NPAS2: variants seen among roughly 807,000 people sequenced by gnomAD.
NPAS2 encodes the protein neuronal PAS domain-containing protein 2.
NPAS2 carries 23 observed loss-of-function variants against 107.5 expected under a neutral mutation model. The observed-to-expected ratio is 0.21, with a 90% CI of 0.15 to 0.30. NPAS2 has a LOEUF of 0.30. Ranked by LOEUF, NPAS2 falls within the 10% of genes least tolerant of loss-of-function variation. The probability of loss-of-function intolerance (pLI) is 1.00; values close to 1 mark genes in which losing one functional copy is unlikely to be tolerated. For missense variants in NPAS2, 756 were observed against 1,043.3 expected (o/e 0.72, Z 3.79); for synonymous variants, 403 against 417.5 (o/e 0.97, Z 0.42).
chr2:100,925,387 TC>T, intron 3 of NPAS2, 93 bp downstream of exon 3: 1 of 1,393,036 alleles, frequency 7.2e-7, no homozygotes, highest in Non-Finnish European at 9.9e-7. Flanking sequence ...TGGTTTTGTC[TC>T]CCCAGCCAGG....
intron 1 of NPAS2, among the ~76,000 whole-genome samples, chr2:100,896,202 T>C (rs971849786): frequency 6.6e-6 from 1 of 152,154 alleles, no homozygotes; most frequent in Non-Finnish European, 1.5e-5. Context: ...GTTAGCTGCA[T>C]TGTGTTAGGA....
chr2:100,860,194 G>C (rs926036512), intron 1 of NPAS2, among the ~76,000 whole-genome samples: 1 of 152,110 alleles, frequency 6.6e-6, no homozygotes, highest in Non-Finnish European at 1.5e-5. Flanking sequence ...TGTTTTTTGT[G>C]ACCTAGATGT....
chr2:100,955,031 C>T (rs758309526), intron 7 of NPAS2, among the ~76,000 whole-genome samples: 7 of 152,026 alleles, frequency 4.6e-5, no homozygotes, highest in Non-Finnish European at 8.8e-5. Context: ...GCATGTGCCG[C>T]GATGCCTGGC....
At chr2:100,988,471 T>C (rs926259766) in intron 17 of NPAS2, 195 bp downstream of exon 17, 1 of 582,748 alleles carries the variant, frequency 1.7e-6, no homozygotes, top group Non-Finnish European at 3.1e-6. Flanking sequence ...CCAAGTTGTA[T>C]TGGCTTCCTT....
intron 1 of NPAS2, among the ~76,000 whole-genome samples, chr2:100,851,590 G>A (rs1046027761): frequency 6.6e-6 from 1 of 152,206 alleles, no homozygotes; most frequent in Non-Finnish European, 1.5e-5. Context: ...TAAACCCTGA[G>A]CACCCACTGG....
At chr2:100,982,191 A>T in intron 15 of NPAS2, 40 bp from the exon 16 acceptor site, 1 of 1,611,490 alleles carries the variant, frequency 6.2e-7, no homozygotes, top group Non-Finnish European at 8.5e-7. Context: ...GGCTGAAATA[A>T]CTCTTTCATC....
intron 1 of NPAS2, among the ~76,000 whole-genome samples, chr2:100,890,918 C>CT (rs559168057): frequency 4.6e-5 from 7 of 151,968 alleles, no homozygotes; most frequent in Non-Finnish European, 1.0e-4. Flanking sequence ...AGTGTGCTGT[C>CT]TGCTTAAACT....
intron 5 of NPAS2, among the ~76,000 whole-genome samples, chr2:100,940,956 C>T (rs983697755): frequency 6.6e-6 from 1 of 152,122 alleles, no homozygotes; most frequent in Non-Finnish European, 1.5e-5. Context: ...CTGTGGGCCC[C>T]AGCAGCAACG....
intron 2 of NPAS2, among the ~76,000 whole-genome samples, chr2:100,918,932 C>T (rs559298599): frequency 1.1e-4 from 16 of 152,294 alleles, no homozygotes; most frequent in Admixed American, 9.2e-4. Context: ...ACTGAAAAAC[C>T]TGTACACCAA....
chr2:100,960,394 C>A (rs1478717054), intron 7 of NPAS2, among the ~76,000 whole-genome samples: 2 of 151,868 alleles, frequency 1.3e-5, no homozygotes, highest in African/African-American at 4.8e-5. Context: ...GAAACCCCGT[C>A]TCTACTAAAA....
chr2:100,988,738 C>T, intron 17 of NPAS2: 1 of 322,018 alleles, frequency 3.1e-6, no homozygotes. Flanking sequence ...TCCAGGCGCC[C>T]CCTGCTCCTC....
chr2:100,869,358 T>C (rs1342182674), intron 1 of NPAS2, among the ~76,000 whole-genome samples: 1 of 152,196 alleles, frequency 6.6e-6, no homozygotes, highest in East Asian at 1.9e-4. Context: ...CTTGTACATT[T>C]GGTGAAATTT....
intron 1 of NPAS2, among the ~76,000 whole-genome samples, chr2:100,875,340 A>G (rs571555858): frequency 1.3e-5 from 2 of 152,244 alleles, no homozygotes; most frequent in Non-Finnish European, 1.5e-5. Context: ...TGGTTGCACA[A>G]TAGTGCAAAT....
intron 12 of NPAS2, chr2:100,972,812 G>C (rs1243457515): frequency 2.0e-5 from 3 of 152,224 alleles, no homozygotes; most frequent in Non-Finnish European, 4.4e-5. Flanking sequence ...ATTTATCATT[G>C]AGGTTTCTGA....
At chr2:100,874,499 T>C (rs1573518190) in intron 1 of NPAS2, among the ~76,000 whole-genome samples, 2 of 152,146 alleles carry the variant, frequency 1.3e-5, no homozygotes, top group Admixed American at 1.3e-4. Context: ...CCTAGCACTT[T>C]GGGAGGCTGA....
In NPAS2 at chr2:100,820,996, C is replaced by A. The variant is rs1237707062; in HGVS notation, c.-23+582C>A. 3.1e-6 allele frequency: 4 copies of A among 1,281,040 alleles called. No homozygotes were observed. The highest frequency in any genetic ancestry group is 4.1e-6 in the Non-Finnish European group (4 of 975,750). 79.4% of individuals were successfully genotyped at this position (1,281,040 alleles called of 1,614,324 possible). A position where few individuals can be genotyped will look rare whatever the true frequency, so the allele number is the denominator to read the frequency against. ...TGGCTCCTCACGTCGCTGCCGCCCCCCCACCCCAACTCCGGAGCTCCCCAG... is the reference window on the plus strand; with the variant it reads ...TGGCTCCTCACGTCGCTGCCGCCCCACCACCCCAACTCCGGAGCTCCCCAG... On this transcript the variant is annotated intron_variant, in intron 1 of 20. Coordinates refer to ENST00000335681, the MANE Select transcript of NPAS2 (RefSeq NM_002518.4). This position sits in a 1 kb window ranked among gnomAD's most constrained non-coding sequence, Gnocchi z 5.6.
intron 1 of NPAS2, among the ~76,000 whole-genome samples, chr2:100,856,449 G>T (rs1468635115): frequency 1.3e-5 from 2 of 152,024 alleles, no homozygotes; most frequent in Non-Finnish European, 2.9e-5. Context: ...GGTTGGGTGT[G>T]GAAAAAGTAT....
At chr2:100,937,345 G>A (rs1684390922) in intron 4 of NPAS2, among the ~76,000 whole-genome samples, 1 of 152,224 alleles carries the variant, frequency 6.6e-6, no homozygotes, top group African/African-American at 2.4e-5. Flanking sequence ...CAGGGCAAAT[G>A]TTTACCATTG....
intron 4 of NPAS2, chr2:100,935,206 T>TGGCCTGC (rs997532163): frequency 2.1e-6 from 1 of 484,434 alleles, no homozygotes; most frequent in Admixed American, 6.4e-5. Context: ...AAAGTGCCTG[T>TGGCCTGC]GGCCTGCGGA....
Sources: gnomAD v4.1 joint callset for allele counts (sites outside exome capture counted in the v4.1 genomes callset) on GRCh38, gnomAD v4.1.1 for gene constraint, Gnocchi (gnomAD v3.1) non-coding constraint, MANE v1.5 for transcripts, NCBI Gene and HGNC (gene_info 2026-07-23, HGNC 2026-07-21) for gene names.